The following SYT6 variants were observed in gnomAD, a reference collection of about 807,000 sequenced individuals.
SYT6 encodes synaptotagmin 6.
Under a neutral mutation model 38.4 loss-of-function variants are expected in SYT6, and 24 were observed. That is an observed-to-expected ratio of 0.62 (90% CI 0.45 to 0.88). The LOEUF is 0.88. SYT6 is among the 40% of genes least tolerant of loss of function. The pLI is 0.00. For synonymous variants in SYT6, 265 were observed against 241.9 expected (o/e 1.10, Z -0.89); for missense variants, 611 against 621.0 (o/e 0.98, Z 0.17).
chr1:114,114,212 G>A (rs935566304), intron 3 of SYT6, among the ~76,000 whole-genome samples: 2 of 152,220 alleles, frequency 1.3e-5, no homozygotes, highest in Non-Finnish European at 2.9e-5. Context: ...AGTGAAGGAA[G>A]TGCTCACTGT....
At position 114,138,373 on chromosome 1, in the gene SYT6, T is replaced by C. The variant is rs138198489; in HGVS notation, c.513-320A>G. ...TTCTAGGTTTACTTCCTAGTAGACATGACTCTGGTTTCCTTATTAAATCAT... is the reference window on the plus strand; with the variant it reads ...TTCTAGGTTTACTTCCTAGTAGACACGACTCTGGTTTCCTTATTAAATCAT... On this transcript the variant is annotated intron_variant, in intron 2 of 7. Coordinates refer to ENST00000610222, the MANE Select transcript of SYT6 (RefSeq NM_001253772.2). 4.7e-3 allele frequency among the ~76,000 whole-genome samples: 712 copies of C among 152,372 alleles called. 7 individuals carry two copies. The highest frequency in any genetic ancestry group is 0.016 in the African/African-American group (683 of 41,590).
chr1:114,114,575 G>A (rs551489455), intron 3 of SYT6, among the ~76,000 whole-genome samples: 17 of 152,334 alleles, frequency 1.1e-4, no homozygotes, highest in African/African-American at 3.8e-4. Flanking sequence ...AATATTCCCT[G>A]CATTAGAAGC....
Position 114,139,760 on chromosome 1 carries a change from TG to T in SYT6, c.366del (p.Ser123AlafsTer10), listed in dbSNP as rs1331205538. 6.2e-7 allele frequency: 1 copy of T among 1,613,932 alleles called. No homozygotes were observed. Among genetic ancestry groups the T allele is most frequent in the East Asian group, 2.2e-5 (1 of 44,866 alleles). ...GCCGCCTCCAGGAAGCCCAGGGTGC[TG>T]GGGTCCTTCAGCTTGTCCGCCATGT... ...RGNMADKLKD[P>X]STLGFLEAAV... On this transcript the variant is annotated frameshift_variant, in exon 2 of 8. Transcript: ENST00000610222. LOFTEE classifies it high-confidence loss of function.
At chr1:114,127,201 G>A (rs1677796371) in intron 3 of SYT6, among the ~76,000 whole-genome samples, 1 of 152,202 alleles carries the variant, frequency 6.6e-6, no homozygotes, top group Non-Finnish European at 1.5e-5. Context: ...AAGTGAGAGT[G>A]TGTGGAAGGG....
chr1:114,140,682 G>C (rs2629809), intron 1 of SYT6, among the ~76,000 whole-genome samples: 114,871 of 152,120 alleles, frequency 0.76, 44,442 homozygotes, highest in African/African-American at 0.92. Flanking sequence ...AAGCTAAATA[G>C]AGGCACACTT....
rs1241063895 is a variant in SYT6, at chr1:114,153,656, G to A, written c.117C>T (p.Ser39=). The A allele has an allele frequency of 9.1e-6, 6 of 658,342 alleles. No individual in the cohort carries two copies. The highest frequency in any genetic ancestry group is 1.4e-5 in the Non-Finnish European group (5 of 361,638). The allele number at this position is 658,342 out of a possible 1,614,324, so 40.8% of individuals were successfully genotyped here. ...TCCGCTCTGGGGGCTGCAGCTCGAA[G>A]CTCCGACAAGTCTCCACGTCCAGCC... ...PLGLDVETCR[S]FELQPPERSP... The change falls in exon 1 of 8, where the codon AGC becomes AGT. Residue 39 remains serine (S), a synonymous_variant. Coordinates refer to ENST00000610222, the MANE Select transcript of SYT6 (RefSeq NM_001253772.2).
At chr1:114,099,413 T>A in intron 4 of SYT6, 148 bp from the exon 5 acceptor site, 1 of 735,232 alleles carries the variant, frequency 1.4e-6, no homozygotes, top group South Asian at 2.4e-5. Flanking sequence ...AACCACCTTG[T>A]ATTTATGTAG....
At chr1:114,110,849 T>G (rs2101010481) in intron 3 of SYT6, among the ~76,000 whole-genome samples, 1 of 152,160 alleles carries the variant, frequency 6.6e-6, no homozygotes, top group East Asian at 1.9e-4. Context: ...GTTTTCTAAC[T>G]CCCCCTGCCC....
At chr1:114,118,141 C>T (rs1677113237) in intron 3 of SYT6, among the ~76,000 whole-genome samples, 1 of 152,192 alleles carries the variant, frequency 6.6e-6, no homozygotes, top group Non-Finnish European at 1.5e-5. Flanking sequence ...AGAGATTTCC[C>T]AGGAAGTACA....
At chr1:114,135,522 AGGATGAT>A (rs1216080144) in intron 3 of SYT6, among the ~76,000 whole-genome samples, 29 of 132,266 alleles carry the variant, frequency 2.2e-4, no homozygotes, top group African/African-American at 7.6e-4. Context: ...GAGGATGATG[AGGATGAT>A]GGTGATTTGT....
chr1:114,094,943 C>A (rs1259826419), intron 6 of SYT6, among the ~76,000 whole-genome samples: 1 of 152,150 alleles, frequency 6.6e-6, no homozygotes, highest in Non-Finnish European at 1.5e-5. Context: ...TAATGTCAGC[C>A]CTGTGGGGGT....
chr1:114,112,480 C>T (rs989156667), intron 3 of SYT6, among the ~76,000 whole-genome samples: 2 of 152,222 alleles, frequency 1.3e-5, no homozygotes, highest in African/African-American at 2.4e-5. Flanking sequence ...GGCAAATATC[C>T]GTGAGTCAGA....
chr1:114,141,041 C>T (rs1014702856), intron 1 of SYT6, among the ~76,000 whole-genome samples: 2 of 152,168 alleles, frequency 1.3e-5, no homozygotes, highest in Non-Finnish European at 2.9e-5. Flanking sequence ...CCTTAGGCCT[C>T]TCTATTTGCT....
intron 3 of SYT6, among the ~76,000 whole-genome samples, chr1:114,117,599 G>T (rs1677076521): frequency 1.3e-5 from 2 of 152,210 alleles, no homozygotes; most frequent in African/African-American, 4.8e-5. Flanking sequence ...TGATTTGCTG[G>T]CTCTTTCTTC....
intron 3 of SYT6, among the ~76,000 whole-genome samples, chr1:114,119,484 C>T (rs2774309): frequency 0.47 from 71,207 of 152,114 alleles, 17,230 homozygotes; most frequent in African/African-American, 0.58. Context: ...GGGCACTTGG[C>T]TGAGATTTGT....
chr1:114,145,959 A>AC (rs1679135697), intron 1 of SYT6, among the ~76,000 whole-genome samples: 1 of 151,828 alleles, frequency 6.6e-6, no homozygotes, highest in African/African-American at 2.4e-5. Context: ...TCTCCATGTG[A>AC]CCCCCAGCTG....
chr1:114,129,565 TTTC>T (rs1163466918), intron 3 of SYT6, among the ~76,000 whole-genome samples: 4 of 49,088 alleles, frequency 8.1e-5, no homozygotes, highest in Non-Finnish European at 1.2e-4. Context: ...TTTTCTTTCT[TTTC>T]TTTCTTTCTT....
At chr1:114,126,645 T>A (rs1196502426) in intron 3 of SYT6, among the ~76,000 whole-genome samples, 2 of 152,236 alleles carry the variant, frequency 1.3e-5, no homozygotes, top group Non-Finnish European at 2.9e-5. Flanking sequence ...GAGAAATCGC[T>A]TTTTGTTGAT....
rs747559412 is a variant in SYT6 at position 114,137,718 on chromosome 1, G to C, written c.848C>G (p.Thr283Ser). The change falls in exon 3 of 8, where the codon ACC becomes AGC. Residue 283 changes from threonine to serine, a missense_variant. By Grantham distance (58) the Thr-to-Ser change is moderately conservative. Transcript: ENST00000610222. ...GTTCAGGGTCTTGCGGTGCACCCGG[G>C]TCTGCAGCTTGCATTTGCGGTCAGG... is the stretch of plus-strand genomic sequence containing the variant. ...LLPDRKCKLQ[T>S]RVHRKTLNPT... The C allele has an allele frequency of 6.2e-6, 10 of 1,613,884 alleles. No individual in the cohort carries two copies. The highest frequency in any genetic ancestry group is 8.5e-6 in the Non-Finnish European group (10 of 1,179,792).
Sources: allele counts gnomAD v4.1 joint callset (sites outside exome capture counted in the v4.1 genomes callset), GRCh38; gene constraint gnomAD v4.1.1; transcripts MANE v1.5; gene names NCBI Gene and HGNC (gene_info 2026-07-23, HGNC 2026-07-21).